Variants in AP3B1 observed in about 807,000 individuals in gnomAD.
AP3B1 encodes the protein AP-3 complex subunit beta-1.
AP3B1 carries 61 observed loss-of-function variants against 132.5 expected under a neutral mutation model. The observed-to-expected ratio is 0.46, with a 90% CI of 0.37 to 0.57. The LOEUF (loss-of-function observed/expected upper bound fraction) is 0.57, where lower values mean the gene tolerates loss of function less well. Among genes scored for constraint, AP3B1 ranks in the 20% least tolerant of loss-of-function variants. The probability of loss-of-function intolerance (pLI) is 0.00; values close to 1 mark genes in which losing one functional copy is unlikely to be tolerated. For missense variants in AP3B1, 1,120 were observed against 1,289.4 expected (o/e 0.87, Z 2.01); for synonymous variants, 388 against 438.3 (o/e 0.89, Z 1.43).
At chr5:78,072,005 T>C (rs1749561732) in intron 22 of AP3B1, among the ~76,000 whole-genome samples, 1 of 152,226 alleles carries the variant, frequency 6.6e-6, no homozygotes, top group East Asian at 1.9e-4. Context: ...ACATATTCTA[T>C]GAAGCATGAA....
chr5:78,115,031 G>C (rs1038625326), intron 18 of AP3B1, among the ~76,000 whole-genome samples: 2 of 152,034 alleles, frequency 1.3e-5, no homozygotes, highest in East Asian at 1.9e-4. Context: ...AACACAACAG[G>C]GTCTGCCACA....
chr5:78,249,579 C>CTTTTTTTTTT (rs71301504), intron 2 of AP3B1, among the ~76,000 whole-genome samples: 2 of 105,072 alleles, frequency 1.9e-5, no homozygotes, highest in Admixed American at 1.1e-4. Context: ...TTTTCTTTTT[C>CTTTTTTTTTT]TTTTTTTTTT....
At chr5:78,032,326 C>T (rs1384173526) in intron 24 of AP3B1, among the ~76,000 whole-genome samples, 1 of 152,104 alleles carries the variant, frequency 6.6e-6, no homozygotes. Context: ...TGTTATTACC[C>T]ATAATTTTAT....
intron 19 of AP3B1, among the ~76,000 whole-genome samples, chr5:78,111,376 G>A (rs1751583503): frequency 6.6e-6 from 1 of 152,116 alleles, no homozygotes; most frequent in Admixed American, 6.5e-5. Context: ...TAAGGATAAC[G>A]ATGGTTAGTA....
intron 21 of AP3B1, among the ~76,000 whole-genome samples, chr5:78,089,776 T>C (rs1750431102): frequency 6.6e-6 from 1 of 152,184 alleles, no homozygotes; most frequent in Admixed American, 6.6e-5. Flanking sequence ...ACATTATCAC[T>C]AACATTTATC....
intron 21 of AP3B1, among the ~76,000 whole-genome samples, chr5:78,093,415 C>A (rs1331771038): frequency 6.6e-6 from 1 of 152,154 alleles, no homozygotes; most frequent in Non-Finnish European, 1.5e-5. Context: ...TCAGTAGAAT[C>A]CAATTTGGAA....
At chr5:78,228,857 T>C (rs1343327183) in intron 3 of AP3B1, among the ~76,000 whole-genome samples, 1 of 152,240 alleles carries the variant, frequency 6.6e-6, no homozygotes, top group Admixed American at 6.5e-5. Flanking sequence ...AAGAATAATG[T>C]GTGACTATGA....
intron 22 of AP3B1, among the ~76,000 whole-genome samples, chr5:78,055,483 A>G (rs565617077): frequency 6.6e-6 from 1 of 152,354 alleles, no homozygotes; most frequent in South Asian, 2.1e-4. Context: ...TCAGTGTGAC[A>G]CTGCATGTGA....
intron 18 of AP3B1, among the ~76,000 whole-genome samples, chr5:78,114,873 T>G (rs79789157): frequency 1.9e-3 from 297 of 152,350 alleles, no homozygotes; most frequent in African/African-American, 6.8e-3. Context: ...ATTCAGATCC[T>G]GGCTCTTCTA....
chr5:78,279,349 T>C (rs1281603923), intron 1 of AP3B1, among the ~76,000 whole-genome samples: 2 of 152,206 alleles, frequency 1.3e-5, no homozygotes, highest in East Asian at 3.8e-4. Flanking sequence ...CTTATTTTAG[T>C]ATCACAAAGT....
At chr5:78,197,814 A>G (rs116609324) in intron 7 of AP3B1, among the ~76,000 whole-genome samples, 217 of 152,326 alleles carry the variant, frequency 1.4e-3, no homozygotes, top group African/African-American at 4.8e-3. Flanking sequence ...AAAAATATCT[A>G]CTTTTGTATC....
chr5:78,122,594 C>G (rs1015297346), intron 17 of AP3B1, among the ~76,000 whole-genome samples: 8 of 152,124 alleles, frequency 5.3e-5, no homozygotes, highest in Non-Finnish European at 2.9e-5. Flanking sequence ...CTCCCATTCA[C>G]AATTGCTTCA....
chr5:78,182,459 T>C (rs1744412139), intron 7 of AP3B1, among the ~76,000 whole-genome samples: 1 of 152,250 alleles, frequency 6.6e-6, no homozygotes, highest in East Asian at 1.9e-4. Flanking sequence ...GTAAAACATA[T>C]ATAAAACAAA....
At chr5:78,010,279 C>A (rs180720624) in intron 26 of AP3B1, among the ~76,000 whole-genome samples, 7 of 152,278 alleles carry the variant, frequency 4.6e-5, no homozygotes, top group Admixed American at 3.9e-4. Flanking sequence ...TGTCATGTGG[C>A]ATTACAGCTT....
At chr5:78,228,503 A>G (rs1315115624) in intron 3 of AP3B1, among the ~76,000 whole-genome samples, 1 of 152,250 alleles carries the variant, frequency 6.6e-6, no homozygotes, top group African/African-American at 2.4e-5. Context: ...ATCCCTGAGC[A>G]GATCTCATAT....
chr5:78,281,625 A>AAT (rs1749061435), intron 1 of AP3B1, among the ~76,000 whole-genome samples: 1 of 152,148 alleles, frequency 6.6e-6, no homozygotes, highest in Non-Finnish European at 1.5e-5. Flanking sequence ...ACCGTTTTAC[A>AAT]ATACTAAGAA....
intron 21 of AP3B1, among the ~76,000 whole-genome samples, chr5:78,099,769 G>T (rs940406631): frequency 2.0e-5 from 3 of 151,806 alleles, no homozygotes; most frequent in African/African-American, 7.3e-5. Flanking sequence ...CGTGATGGTA[G>T]TCCCAGCTAC....
chr5:78,160,506 AACAC>A (rs899778361), intron 13 of AP3B1, among the ~76,000 whole-genome samples: 1 of 152,096 alleles, frequency 6.6e-6, no homozygotes, highest in Non-Finnish European at 1.5e-5. Context: ...GGCTCTTAAC[AACAC>A]ACACACAAAA....
chr5:78,127,916 A>G (rs181695280), intron 17 of AP3B1, 114 bp downstream of exon 17: 2 of 1,241,946 alleles, frequency 1.6e-6, no homozygotes, highest in East Asian at 4.9e-5. Flanking sequence ...ACATTTAGAA[A>G]TACTAGAACA....
Sources: allele counts gnomAD v4.1 joint callset (sites outside exome capture counted in the v4.1 genomes callset), GRCh38; gene constraint gnomAD v4.1.1; transcripts MANE v1.5; gene names NCBI Gene and HGNC (gene_info 2026-07-23, HGNC 2026-07-21).